Variants in AKR1E2 observed in about 807,000 individuals in gnomAD.
AKR1E2 encodes 1,5-anhydro-D-fructose reductase.
A neutral mutation model predicts 41.9 loss-of-function variants in AKR1E2; 43 were observed. The ratio of observed to expected loss-of-function variants is 1.03; its 90% CI spans 0.80 to 1.32. The LOEUF (loss-of-function observed/expected upper bound fraction) is 1.32, where lower values mean the gene tolerates loss of function less well. Among genes scored for constraint, AKR1E2 ranks in the 40% most tolerant of loss-of-function variants. The pLI, the probability that AKR1E2 is intolerant of heterozygous loss-of-function variation, is 0.00. For synonymous variants in AKR1E2, 121 were observed against 138.9 expected (o/e 0.87, Z 0.91); for missense variants, 423 against 396.5 (o/e 1.07, Z -0.57).
intron 1 of AKR1E2, among the ~76,000 whole-genome samples, chr10:4,827,291 CCT>C (rs1403356753): frequency 6.6e-6 from 1 of 150,782 alleles, no homozygotes; most frequent in Non-Finnish European, 1.5e-5. Context: ...ATATCTATCA[CCT>C]CTCTCAGTTA....
chr10:4,849,539 CACTTAT>C (rs1195268686), downstream of AKR1E2, among the ~76,000 whole-genome samples: 2 of 152,178 alleles, frequency 1.3e-5, no homozygotes, highest in Admixed American at 6.5e-5. Flanking sequence ...TTTTCCTTGT[CACTTAT>C]ACTTAAACCA....
At chr10:4,852,881 T>C (rs1834558053), downstream of AKR1E2, among the ~76,000 whole-genome samples, 1 of 152,206 alleles carries the variant, frequency 6.6e-6, no homozygotes, top group Non-Finnish European at 1.5e-5. Flanking sequence ...CCAGGACTTT[T>C]CCTTCTGTGT....
At chr10:4,857,715 G>A in the AKR1E2 span, among the ~76,000 whole-genome samples, 1 of 152,118 alleles carries the variant, frequency 6.6e-6, no homozygotes, top group Non-Finnish European at 1.5e-5. Flanking sequence ...ATTCATCCAT[G>A]ATTCAGTATT....
At chr10:4,870,249 T>C in the AKR1E2 span, among the ~76,000 whole-genome samples, 36 of 152,220 alleles carry the variant, frequency 2.4e-4, 1 homozygote, top group South Asian at 5.2e-3. Context: ...AGAATTTCAT[T>C]ACATATTTCT....
rs533539557 is a variant in AKR1E2 at position 4,827,356 on chromosome 10, G to A, written c.39+993G>A. On this transcript the variant is annotated intron_variant, in intron 1 of 9. Transcript: ENST00000298375. The stretch of plus-strand genomic sequence containing the variant: ...TGTCTTGTTATTTTGAAATACACAT[G>A]TGTAGTAAATTATTGTTGACTGTTG... 8.2e-4 allele frequency among the ~76,000 whole-genome samples: 117 copies of A among 141,864 alleles called. 3 individuals carry two copies. Among genetic ancestry groups the A allele is most frequent in the African/African-American group, 2.5e-3 (103 of 40,736 alleles). The allele number at this position is 141,864 out of a possible 152,430, so 93.1% of individuals were successfully genotyped here.
chr10:4,847,061 G>T lies in AKR1E2; in HGVS notation c.838-87G>T, dbSNP rs1834386725. On this transcript the variant is annotated intron_variant, in intron 8 of 9. Transcript: ENST00000298375. ...TTTTACATCTTTGTGTCCCTTGCAG[G>T]TCTAGCACTGTGCTATGTAGGTAAC... 5 of 1,443,012 alleles carry T rather than the reference G, an allele frequency of 3.5e-6. No individual in the cohort carries two copies. The Admixed American group carries it at 7.0e-5, about 20-fold the overall frequency. The allele number at this position is 1,443,012 out of a possible 1,614,324, so 89.4% of individuals were successfully genotyped here.
chr10:4,869,720 C>G, the AKR1E2 span, among the ~76,000 whole-genome samples: 3 of 151,918 alleles, frequency 2.0e-5, no homozygotes, highest in African/African-American at 7.2e-5. Flanking sequence ...TCATTCAGTT[C>G]AATGTACTTT....
In AKR1E2 at chr10:4,826,297, C is replaced by T; in HGVS notation, c.-28C>T. On this transcript the variant is annotated 5_prime_UTR_variant, in exon 1 of 10. Transcript: ENST00000298375. ...CTGTCGGTAGTCGCGTGCGGGGCGG[C>T]GGGGCGGCGGGGCGGCCGGCGGCGG... 1 of 1,231,344 alleles carries T rather than the reference C, an allele frequency of 8.1e-7. No homozygotes were observed. The highest frequency in any genetic ancestry group is 1.0e-6 in the Non-Finnish European group (1 of 986,176). The allele number at this position is 1,231,344 out of a possible 1,614,324, so 76.3% of individuals were successfully genotyped here.
the AKR1E2 span, among the ~76,000 whole-genome samples, chr10:4,863,043 CA>C: frequency 1.3e-5 from 2 of 152,082 alleles, no homozygotes; most frequent in Non-Finnish European, 2.9e-5. Context: ...CAACATTAGA[CA>C]GATCAACGAG....
the AKR1E2 span, among the ~76,000 whole-genome samples, chr10:4,863,139 C>A: frequency 6.6e-6 from 1 of 152,162 alleles, no homozygotes; most frequent in East Asian, 1.9e-4. Flanking sequence ...CTCTCCACCC[C>A]AAATCAACAG....
chr10:4,825,447 AAG>A (rs1200811883), upstream of AKR1E2, among the ~76,000 whole-genome samples: 2 of 152,048 alleles, frequency 1.3e-5, no homozygotes, highest in African/African-American at 4.8e-5. Context: ...GTCCACTCAT[AAG>A]GGGGGTGTCC....
chr10:4,826,281 G>A lies in AKR1E2; in HGVS notation c.-44G>A. ...GTAGCTCGCGCGGTGCCTGTCGGTA[G>A]TCGCGTGCGGGGCGGCGGGGCGGCG... On this transcript the variant is annotated 5_prime_UTR_variant, in exon 1 of 10. Transcript: ENST00000298375. 2.4e-6 allele frequency: 3 copies of A among 1,227,444 alleles called. No homozygotes were observed. The highest frequency in any genetic ancestry group is 3.1e-6 in the Non-Finnish European group (3 of 982,876). The allele number at this position is 1,227,444 out of a possible 1,614,324, so 76.0% of individuals were successfully genotyped here.
chr10:4,864,037 G>C, the AKR1E2 span, among the ~76,000 whole-genome samples: 1 of 152,198 alleles, frequency 6.6e-6, no homozygotes, highest in Non-Finnish European at 1.5e-5. Context: ...GAGGTACAAG[G>C]AGGAACTGGT....
intron 4 of AKR1E2, 74 bp downstream of exon 4, chr10:4,835,883 G>T: frequency 6.4e-7 from 1 of 1,563,918 alleles, no homozygotes; most frequent in South Asian, 1.2e-5. Context: ...GCCCTGAGCT[G>T]CTTGTGTTCA....
chr10:4,870,995 GTTGCTCCTC>G, the AKR1E2 span, among the ~76,000 whole-genome samples: 1 of 151,726 alleles, frequency 6.6e-6, no homozygotes, highest in East Asian at 1.9e-4. Flanking sequence ...TTTTCTCCCT[GTTGCTCCTC>G]TTGGATGATT....
the AKR1E2 span, among the ~76,000 whole-genome samples, chr10:4,863,522 T>C: frequency 0.044 from 6,639 of 151,924 alleles, 161 homozygotes; most frequent in African/African-American, 0.075. Flanking sequence ...AGATCTAAAA[T>C]TGACACCCTA....
the AKR1E2 span, among the ~76,000 whole-genome samples, chr10:4,859,057 C>A: frequency 3.0e-4 from 46 of 152,162 alleles, no homozygotes; most frequent in African/African-American, 9.6e-4. Context: ...CTCCTGACTT[C>A]AGGTGACATC....
rs754190890 is a variant in AKR1E2 at position 4,830,826 on chromosome 10, T to C, written c.191T>C (p.Leu64Pro). 1 of 1,614,168 alleles carries C rather than the reference T, an allele frequency of 6.2e-7. No homozygotes were observed. Among genetic ancestry groups the C allele is most frequent in the East Asian group, 2.2e-5 (1 of 44,872 alleles). The change falls in exon 2 of 10, where the codon CTG becomes CCG. Residue 64 changes from leucine to proline, a missense_variant. Transcript: ENST00000298375. ...GAAGGCGCTGTAAGACGGGAGGATC[T>C]GTTCATTGCCACTAAGGTAGGGCTT... ...IKEGAVRRED[L>P]FIATKLWCTC...
upstream of AKR1E2, among the ~76,000 whole-genome samples, chr10:4,825,519 T>C (rs2961564): frequency 0.82 from 125,241 of 152,146 alleles, 53,020 homozygotes; most frequent in East Asian, 0.98. Flanking sequence ...CGCTCCCCTC[T>C]ACATGCAGGG....
Sources: gnomAD v4.1 joint callset for allele counts (sites outside exome capture counted in the v4.1 genomes callset) on GRCh38, gnomAD v4.1.1 for gene constraint, MANE v1.5 for transcripts, NCBI Gene and HGNC (gene_info 2026-07-23, HGNC 2026-07-21) for gene names.